Variants in DHRSX observed in about 807,000 individuals in gnomAD.
DHRSX encodes polyprenol dehydrogenase.
A neutral mutation model predicts 34.0 loss-of-function variants in DHRSX; 31 were observed. The observed-to-expected ratio is 0.91, with a 90% CI of 0.69 to 1.23. The LOEUF (loss-of-function observed/expected upper bound fraction) is 1.23, where lower values mean the gene tolerates loss of function less well. Among genes scored for constraint, DHRSX ranks in the 50% most tolerant of loss-of-function variants. The pLI is 0.00. For missense variants in DHRSX, 414 were observed against 428.1 expected (o/e 0.97, Z 0.29); for synonymous variants, 201 against 183.8 (o/e 1.09, Z -0.76).
rs1463954225 is a variant in DHRSX, at chrX:2,398,561, T to G, written c.286+10184A>C. Among the ~76,000 whole-genome samples, 3 of 152,152 alleles carry G rather than the reference T, an allele frequency of 2.0e-5. No homozygotes were observed. In the East Asian group the frequency reaches 5.8e-4, roughly 29 times the overall value. On this transcript the variant is annotated intron_variant, in intron 3 of 6. Transcript: ENST00000334651. ...GAGGCCCATGTGTGGATGTGCTTAT[T>G]CTTAAGTATTTAAAGGCCCATGGAA...
chrX:2,423,281 C>T lies in DHRSX; in HGVS notation c.217+1916G>A, dbSNP rs1460802388. ...TACAAAAATTAGCAGGGCATGGTGG[C>T]GGGCGCCTGTAATCCCAGCTACTCT... On this transcript the variant is annotated intron_variant, in intron 2 of 6. Coordinates refer to ENST00000334651, the MANE Select transcript of DHRSX (RefSeq NM_145177.3). 7.9e-5 allele frequency among the ~76,000 whole-genome samples: 12 copies of T among 151,958 alleles called. No homozygotes were observed. In the South Asian group the frequency reaches 1.0e-3, roughly 13 times the overall value.
chrX:2,269,039 C>T (rs1233181312), intron 4 of DHRSX, among the ~76,000 whole-genome samples: 1 of 152,134 alleles, frequency 6.6e-6, no homozygotes, highest in Non-Finnish European at 1.5e-5. Flanking sequence ...ATTTGTAGAT[C>T]TATTTCTGTA....
At chrX:2,425,168 A>G in intron 2 of DHRSX, 29 bp downstream of exon 2, 1 of 1,560,906 alleles carries the variant, frequency 6.4e-7, no homozygotes, top group Middle Eastern at 1.7e-4. Flanking sequence ...GAAAAAACAA[A>G]AAACACAAGT....
At chrX:2,382,166 G>T (rs1333209563) in intron 3 of DHRSX, among the ~76,000 whole-genome samples, 3 of 152,006 alleles carry the variant, frequency 2.0e-5, no homozygotes, top group Non-Finnish European at 2.9e-5. Context: ...CCTCTTTCTG[G>T]GCTCCCACAA....
intron 3 of DHRSX, among the ~76,000 whole-genome samples, chrX:2,399,550 C>T (rs2043458588): frequency 6.6e-6 from 1 of 150,896 alleles, no homozygotes; most frequent in Admixed American, 6.6e-5. Flanking sequence ...ACTAAAAATA[C>T]AAAAAATTAG....
At chrX:2,414,615 T>C (rs893179861) in intron 2 of DHRSX, among the ~76,000 whole-genome samples, 2 of 151,850 alleles carry the variant, frequency 1.3e-5, no homozygotes, top group African/African-American at 4.8e-5. Flanking sequence ...GATTTCATCA[T>C]AACCAAACCA....
chrX:2,229,746 T>C (rs2015824040), intron 6 of DHRSX, among the ~76,000 whole-genome samples: 1 of 151,262 alleles, frequency 6.6e-6, no homozygotes, highest in African/African-American at 2.4e-5. Flanking sequence ...TGGATAAATA[T>C]ATGTGCATGC....
chrX:2,488,726 C>T (rs1569343831), intron 1 of DHRSX: 13 of 1,613,924 alleles, frequency 8.1e-6, no homozygotes, highest in Non-Finnish European at 1.1e-5. Context: ...GCCCCACTCC[C>T]CCTCGTCCTG....
At chrX:2,381,402 T>C (rs1275931367) in intron 3 of DHRSX, among the ~76,000 whole-genome samples, 1 of 151,970 alleles carries the variant, frequency 6.6e-6, no homozygotes, top group Non-Finnish European at 1.5e-5. Flanking sequence ...GCTTTGATCT[T>C]GGACTTCTAG....
chrX:2,395,024 C>T (rs985269045), intron 3 of DHRSX, among the ~76,000 whole-genome samples: 1 of 151,772 alleles, frequency 6.6e-6, no homozygotes, highest in South Asian at 2.1e-4. Context: ...GGGAGAGGTT[C>T]GAGTCCCAGG....
intron 1 of DHRSX, among the ~76,000 whole-genome samples, chrX:2,485,711 G>C (rs2044882826): frequency 1.2e-5 from 1 of 84,392 alleles, no homozygotes; most frequent in Non-Finnish European, 2.2e-5. Context: ...GGGAGGGAGG[G>C]AACGGAGAGA....
At chrX:2,442,859 C>G (rs943404369) in intron 1 of DHRSX, among the ~76,000 whole-genome samples, 2 of 152,132 alleles carry the variant, frequency 1.3e-5, no homozygotes, top group African/African-American at 4.8e-5. Flanking sequence ...CCTCTTTCCC[C>G]AAGGAAACAC....
At chrX:2,225,395 C>T (rs1439162695) in intron 6 of DHRSX, among the ~76,000 whole-genome samples, 3 of 152,204 alleles carry the variant, frequency 2.0e-5, no homozygotes, top group Admixed American at 6.6e-5. Flanking sequence ...TGCACACATG[C>T]TCATCCACGT....
intron 6 of DHRSX, among the ~76,000 whole-genome samples, chrX:2,241,383 C>A (rs1289360474): frequency 6.6e-6 from 1 of 152,166 alleles, no homozygotes; most frequent in African/African-American, 2.4e-5. Flanking sequence ...TAACTTCCCC[C>A]TCCTGCTTCC....
At chrX:2,347,225 C>A (rs114873141) in intron 3 of DHRSX, among the ~76,000 whole-genome samples, 2,313 of 152,286 alleles carry the variant, frequency 0.015, 68 homozygotes, top group African/African-American at 0.052. Context: ...AGGTGAAAGG[C>A]ACGTCTCACA....
chrX:2,406,154 T>C (rs1423438728), intron 3 of DHRSX, among the ~76,000 whole-genome samples: 2 of 151,820 alleles, frequency 1.3e-5, no homozygotes, highest in African/African-American at 2.4e-5. Flanking sequence ...TAGCTGGGCA[T>C]GGTCGCCAAT....
intron 1 of DHRSX, among the ~76,000 whole-genome samples, chrX:2,454,239 A>G (rs147379200): frequency 6.6e-6 from 1 of 151,972 alleles, no homozygotes; most frequent in Non-Finnish European, 1.5e-5. Flanking sequence ...AGGTGTATCC[A>G]CACTGGGCCG....
chrX:2,225,254 CAT>C (rs1257099797), intron 6 of DHRSX, among the ~76,000 whole-genome samples: 2 of 151,226 alleles, frequency 1.3e-5, no homozygotes, highest in Non-Finnish European at 2.9e-5. Flanking sequence ...TGCTCACACT[CAT>C]TCACATGCAC....
At chrX:2,224,256 G>A (rs116268579) in intron 6 of DHRSX, among the ~76,000 whole-genome samples, 131,620 of 151,810 alleles carry the variant, frequency 0.87, 57,587 homozygotes, top group African/African-American at 0.96. Flanking sequence ...TGCAGCTTAG[G>A]CCGCTCCTGG....
Sources: allele counts gnomAD v4.1 joint callset (sites outside exome capture counted in the v4.1 genomes callset), GRCh38; gene constraint gnomAD v4.1.1; transcripts MANE v1.5; gene names NCBI Gene and HGNC (gene_info 2026-07-23, HGNC 2026-07-21).